Variants in CSMD1 observed in about 807,000 individuals in gnomAD.
CSMD1 encodes CUB and Sushi multiple domains 1.
CSMD1 carries 213 observed loss-of-function variants against 417.5 expected under a neutral mutation model. The observed-to-expected ratio is 0.51, with a 90% CI of 0.46 to 0.57. The LOEUF (loss-of-function observed/expected upper bound fraction) is 0.57. Among genes scored for constraint, CSMD1 ranks in the 20% least tolerant of loss-of-function variants. CSMD1 has a pLI of 0.00. For synonymous variants in CSMD1, 2,862 were observed against 1,736.8 expected, an observed-to-expected ratio of 1.65 and a Z score of -16.11; for missense variants, 6,923 against 4,529.7, an observed-to-expected ratio of 1.53 and a Z score of -15.17.
In CSMD1 at chr8:3,406,116, C is replaced by G. The variant is rs565387375; in HGVS notation, c.2177G>C (p.Gly726Ala). 3 of 1,613,890 alleles carry G rather than the reference C, an allele frequency of 1.9e-6. No homozygotes were observed. Among genetic ancestry groups the G allele is most frequent in the East Asian group, 4.5e-5 (2 of 44,850 alleles). Residue 726 changes from glycine to alanine, a missense_variant, in exon 15 of 70, where the codon GGC (glycine) becomes GCC (alanine). Coordinates refer to ENST00000635120, the MANE Select transcript of CSMD1 (RefSeq NM_033225.6). ...GSSVSFHCDD[G>A]FVKTQGSESI... ...CTCGGATCCCTGGGTCTTGACAAAG[C>G]CATCATCACAGTGGAAAGAAACCGA...
At chr8:3,953,943 G>C (rs970070937) in intron 5 of CSMD1, among the ~76,000 whole-genome samples, 1 of 152,290 alleles carries the variant, frequency 6.6e-6, no homozygotes. Flanking sequence ...GGTGGCTCTG[G>C]GTCTCGCCTT....
intron 1 of CSMD1, among the ~76,000 whole-genome samples, chr8:4,776,592 G>A (rs117604722): frequency 7.3e-4 from 111 of 152,158 alleles, no homozygotes; most frequent in African/African-American, 1.7e-3. Flanking sequence ...ATAAACGTTC[G>A]CGTTCAATGA....
In CSMD1 at chr8:3,645,328, C is replaced by G. The variant is rs1395618927; in HGVS notation, c.1010-28531G>C. On this transcript the variant is annotated intron_variant, in intron 7 of 69. Transcript: ENST00000635120. ...GTTCTCCCAGCAGCTGCAATTAAAA[C>G]CTTCTGAGCAAAGACCTATCCTAAT... Among the ~76,000 whole-genome samples the G allele has an allele frequency of 2.6e-5, 4 of 152,208 alleles. No homozygotes were observed. The South Asian group carries it at 8.3e-4, about 32-fold the overall frequency.
In CSMD1 at chr8:3,205,540, T is replaced by C. The variant is rs1300902934; in HGVS notation, c.4948A>G (p.Ile1650Val). Residue 1650 changes from isoleucine to valine, a missense_variant, in exon 31 of 70, where the codon ATA becomes GTA. Coordinates refer to ENST00000635120, the MANE Select transcript of CSMD1 (RefSeq NM_033225.6). ...NYPHNYTAGQ[I>V]CLYSITVPKE... ...GGTACCGTGATGGAATAGAGGCATA[T>C]TTGACCAGCTGTGTAATTATGGGGG... The C allele has an allele frequency of 6.3e-7, 1 of 1,599,150 alleles. No homozygotes were observed. The highest frequency in any genetic ancestry group is 8.5e-7 in the Non-Finnish European group (1 of 1,170,328).
chr8:3,802,814 G>C (rs1005885260), intron 5 of CSMD1, among the ~76,000 whole-genome samples: 1 of 152,076 alleles, frequency 6.6e-6, no homozygotes, highest in African/African-American at 2.4e-5. Flanking sequence ...TGTTCGATTC[G>C]TTTCTCCATC....
intron 3 of CSMD1, among the ~76,000 whole-genome samples, chr8:4,262,732 G>A (rs992869520): frequency 3.3e-5 from 5 of 152,062 alleles, no homozygotes; most frequent in African/African-American, 1.2e-4. Context: ...CTTCCCTTTT[G>A]GCCCTGAGGT....
At chr8:4,568,607 A>C (rs1291647787) in intron 2 of CSMD1, among the ~76,000 whole-genome samples, 1 of 152,196 alleles carries the variant, frequency 6.6e-6, no homozygotes, top group Non-Finnish European at 1.5e-5. Flanking sequence ...TCATAATAGA[A>C]AGATGTATAA....
chr8:3,291,607 T>G (rs1165135410), intron 25 of CSMD1, among the ~76,000 whole-genome samples: 1 of 152,216 alleles, frequency 6.6e-6, no homozygotes, highest in Non-Finnish European at 1.5e-5. Context: ...TTCTAGTTTA[T>G]TTGCATAGAG....
chr8:4,687,539 G>T (rs1456727078), intron 1 of CSMD1, among the ~76,000 whole-genome samples: 2 of 152,098 alleles, frequency 1.3e-5, no homozygotes, highest in African/African-American at 4.8e-5. Context: ...TGGTTTATTT[G>T]GGAAATAAGA....
chr8:4,571,426 T>A (rs994396527), intron 2 of CSMD1, among the ~76,000 whole-genome samples: 3 of 152,214 alleles, frequency 2.0e-5, no homozygotes, highest in African/African-American at 7.2e-5. Context: ...GAGCAGGTTA[T>A]CAGTTTCCAT....
intron 3 of CSMD1, among the ~76,000 whole-genome samples, chr8:4,227,377 C>CCTATT (rs1468849883): frequency 5.3e-5 from 8 of 152,172 alleles, no homozygotes; most frequent in African/African-American, 1.9e-4. Flanking sequence ...TTTTAAGAAC[C>CCTATT]CTATTCTATC....
chr8:4,079,424 A>G (rs1800006847), intron 3 of CSMD1, among the ~76,000 whole-genome samples: 1 of 152,230 alleles, frequency 6.6e-6, no homozygotes, highest in Non-Finnish European at 1.5e-5. Context: ...GGCTAAAAAC[A>G]GGATATAGAA....
intron 3 of CSMD1, among the ~76,000 whole-genome samples, chr8:4,169,063 G>A (rs1323251058): frequency 2.0e-5 from 3 of 152,142 alleles, no homozygotes; most frequent in African/African-American, 7.2e-5. Context: ...ACCTCTGGAT[G>A]TTTCTCCCTA....
At chr8:4,846,488 C>T (rs1028768075) in intron 1 of CSMD1, among the ~76,000 whole-genome samples, 12 of 152,304 alleles carry the variant, frequency 7.9e-5, no homozygotes, top group African/African-American at 2.6e-4. Context: ...CTGTGACCAG[C>T]CTCCTGACAG....
chr8:4,166,327 A>G (rs1260096780), intron 3 of CSMD1, among the ~76,000 whole-genome samples: 1 of 152,216 alleles, frequency 6.6e-6, no homozygotes, highest in Non-Finnish European at 1.5e-5. Context: ...TAACAGGTCT[A>G]TAAAAGACCA....
At chr8:4,681,914 G>T (rs535037258) in intron 1 of CSMD1, among the ~76,000 whole-genome samples, 1 of 152,112 alleles carries the variant, frequency 6.6e-6, no homozygotes, top group African/African-American at 2.4e-5. Flanking sequence ...GCCCTACCTC[G>T]TGCTTGGTCA....
chr8:2,969,108 C>T (rs911157766), intron 57 of CSMD1, among the ~76,000 whole-genome samples: 2 of 152,056 alleles, frequency 1.3e-5, no homozygotes, highest in Non-Finnish European at 2.9e-5. Flanking sequence ...AGATATAGTG[C>T]CTTTAACCAT....
Position 4,690,511 on chromosome 8 carries a change from G to A in CSMD1, c.86-52953C>T, listed in dbSNP as rs148481389. 2.6e-5 allele frequency among the ~76,000 whole-genome samples: 4 copies of A among 152,292 alleles called. No homozygotes were observed. The East Asian group carries it at 7.7e-4, about 29-fold the overall frequency. On this transcript the variant is annotated intron_variant, in intron 1 of 69. Coordinates refer to ENST00000635120, the MANE Select transcript of CSMD1 (RefSeq NM_033225.6). ...GGGTAATATAAATTATGATATTTGA[G>A]TGGTATTTCCTGGAAAATCTATCTG...
chr8:4,928,148 C>T lies in CSMD1; in HGVS notation c.85+66184G>A, dbSNP rs28572169. Among the ~76,000 whole-genome samples the T allele has an allele frequency of 8.2e-3, 1,250 of 152,222 alleles. 14 individuals are homozygous for T. Among genetic ancestry groups the T allele is most frequent in the African/African-American group, 0.028 (1,155 of 41,540 alleles). ...CACCCCAGCCTCTGCCCACGTGGGA[C>T]GCACACATAGACTTTCCCGTTGCCA... is the stretch of plus-strand genomic sequence containing the variant. On this transcript the variant is annotated intron_variant, in intron 1 of 69. Transcript: ENST00000635120.
Sources: allele counts gnomAD v4.1 joint callset (sites outside exome capture counted in the v4.1 genomes callset), GRCh38; gene constraint gnomAD v4.1.1; transcripts MANE v1.5; gene names NCBI Gene and HGNC (gene_info 2026-07-23, HGNC 2026-07-21).